Variants in ZNF827 observed in about 807,000 individuals in gnomAD.
ZNF827 encodes zinc finger protein 827.
A neutral mutation model predicts 102.4 loss-of-function variants in ZNF827; 13 were observed. The observed-to-expected ratio is 0.13, with a 90% CI of 0.08 to 0.20. The LOEUF is 0.20. Among genes scored for constraint, ZNF827 ranks in the 10% least tolerant of loss-of-function variants. The pLI is 1.00. For synonymous variants in ZNF827, 523 were observed against 536.2 expected (o/e 0.98, Z 0.34); for missense variants, 1,103 against 1,344.4 (o/e 0.82, Z 2.81).
chr4:145,835,080 A>G (rs1196392851), intron 7 of ZNF827: 1 of 152,156 alleles, frequency 6.6e-6, no homozygotes, highest in Non-Finnish European at 1.5e-5. Flanking sequence ...CTCCTAAGCT[A>G]CGTCCCATCT....
chr4:145,889,907 G>T (rs1322589564), intron 3 of ZNF827, among the ~76,000 whole-genome samples: 1 of 151,732 alleles, frequency 6.6e-6, no homozygotes, highest in East Asian at 2.0e-4. Flanking sequence ...GAGCCCGGAG[G>T]CGGAGGCTGC....
At chr4:145,911,566 C>A (rs1454669078) in intron 1 of ZNF827, among the ~76,000 whole-genome samples, 1 of 152,128 alleles carries the variant, frequency 6.6e-6, no homozygotes, top group Non-Finnish European at 1.5e-5. Context: ...CAGTATAATA[C>A]AATTAATCTG....
intron 1 of ZNF827, among the ~76,000 whole-genome samples, chr4:145,937,753 C>T (rs1754322413): frequency 6.8e-6 from 1 of 147,718 alleles, no homozygotes; most frequent in Admixed American, 6.7e-5. Context: ...GCCGCCGCCG[C>T]CGCTGCCGCC....
Position 145,903,006 on chromosome 4 carries a change from C to A in ZNF827, c.253G>T (p.Ala85Ser), listed in dbSNP as rs778352883. 31 of 1,614,050 alleles carry A rather than the reference C, an allele frequency of 1.9e-5. No homozygotes were observed. Among genetic ancestry groups the A allele is most frequent in the Admixed American group, 3.3e-5 (2 of 60,010 alleles). ...TCTCGCAGGACCTCACTGTCCAGTG[C>A]CACCAGCTCCAACGTGTGGCTGCTG... ...TPSSHTLELVALDSEVLRDSL... is the reference protein window; with the variant it reads ...TPSSHTLELVSLDSEVLRDSL... The change falls in exon 2 of 15, where the codon GCA (alanine) becomes TCA (serine). Residue 85 changes from alanine (A) to serine (S), a missense_variant. By Grantham distance (99) the Ala-to-Ser change is moderately conservative (BLOSUM62 1). This residue lies in a region of ZNF827 where 441 missense variants were observed against 458.6 expected (regional missense o/e 0.96). Transcript: ENST00000508784.
At chr4:145,899,083 C>T (rs1297953036) in intron 2 of ZNF827, among the ~76,000 whole-genome samples, 1 of 152,132 alleles carries the variant, frequency 6.6e-6, no homozygotes, top group Non-Finnish European at 1.5e-5. Flanking sequence ...CATTAGGCAA[C>T]AGAAACTCTT....
chr4:145,900,205 T>C (rs1233261875), intron 2 of ZNF827, among the ~76,000 whole-genome samples: 1 of 152,180 alleles, frequency 6.6e-6, no homozygotes, highest in Non-Finnish European at 1.5e-5. Context: ...GACTTCAATA[T>C]GACAAAGCTG....
At chr4:145,870,157 G>T in intron 5 of ZNF827, 88 bp downstream of exon 5, 1 of 1,252,622 alleles carries the variant, frequency 8.0e-7, no homozygotes, top group Non-Finnish European at 1.1e-6. Context: ...TGCTGCCATT[G>T]GGTTAATTAT....
chr4:145,923,793 CAT>C (rs983975401), intron 1 of ZNF827, among the ~76,000 whole-genome samples: 43 of 152,112 alleles, frequency 2.8e-4, no homozygotes, highest in Non-Finnish European at 5.9e-4. Context: ...TTTTTAATAA[CAT>C]ATTTAATTTG....
chr4:145,865,751 A>AT (rs1250137823), intron 5 of ZNF827, among the ~76,000 whole-genome samples: 17 of 152,250 alleles, frequency 1.1e-4, no homozygotes, highest in Non-Finnish European at 2.4e-4. Flanking sequence ...GTTCGCATGT[A>AT]TTGTTCTATC....
At chr4:145,871,094 T>A (rs750915934) in intron 4 of ZNF827, among the ~76,000 whole-genome samples, 3 of 151,904 alleles carry the variant, frequency 2.0e-5, no homozygotes, top group Non-Finnish European at 4.4e-5. Context: ...CATCACTGAG[T>A]CCAAAATGGC....
chr4:145,811,272 C>T (rs552479295), intron 8 of ZNF827, among the ~76,000 whole-genome samples: 11 of 152,214 alleles, frequency 7.2e-5, no homozygotes, highest in African/African-American at 1.7e-4. Flanking sequence ...CAGGATTATA[C>T]GTGAGCCACT....
rs1311756464 is a variant in ZNF827, at chr4:145,902,811, C to T, written c.448G>A (p.Val150Ile). The T allele has an allele frequency of 1.2e-5, 20 of 1,613,982 alleles. No homozygotes were observed. Among genetic ancestry groups the T allele is most frequent in the South Asian group, 6.6e-5 (6 of 91,080 alleles). ...GGGGAAAAGGAGAGGTTCGAGCCAA[C>T]GTTTACGGGGGACTCCACTCTGCCA... ...ANGRVESPVN[V>I]GSNLSFSPPS... The change falls in exon 2 of 15, where the codon GTT becomes ATT. Residue 150 changes from valine (V) to isoleucine (I), a missense_variant. Transcript: ENST00000508784. This position sits in a 1 kb window ranked among gnomAD's most constrained non-coding sequence, Gnocchi z 4.3.
At position 145,853,772 on chromosome 4, in the gene ZNF827, C is replaced by G. The variant is rs540996772; in HGVS notation, c.1982-4211G>C. Among the ~76,000 whole-genome samples, 85 of 152,148 alleles carry G rather than the reference C, an allele frequency of 5.6e-4. 1 individual carries two copies. In the South Asian group the frequency reaches 0.017, roughly 31 times the overall value. On this transcript the variant is annotated intron_variant, in intron 5 of 14. Coordinates refer to ENST00000508784, the MANE Select transcript of ZNF827 (RefSeq NM_001306215.2). ...ATGAACCCAGCAGTTTGGAGACCAG[C>G]CTGGCCAACATGGCAAAACCCTATA...
At chr4:145,764,701 A>G (rs1460633034) in intron 13 of ZNF827, 1 of 412,686 alleles carries the variant, frequency 2.4e-6, no homozygotes, top group Non-Finnish European at 4.4e-6. Flanking sequence ...AAACTCAAGC[A>G]GTGTAGTCTA....
intron 2 of ZNF827, among the ~76,000 whole-genome samples, chr4:145,901,562 T>C (rs1751417166): frequency 6.6e-6 from 1 of 152,260 alleles, no homozygotes; most frequent in Non-Finnish European, 1.5e-5. Context: ...ATGTGTTGAT[T>C]ATGTTTGATT....
chr4:145,903,061 G>A lies in ZNF827; in HGVS notation c.198C>T (p.Ser66=). The change falls in exon 2 of 15, where the codon TCC becomes TCT. Residue 66 remains serine (S), a synonymous_variant. Transcript: ENST00000508784. ...TCGTGCTTCCCAAGGAGGTGTCCGG[G>A]GACGTGGACTGCTCCTGGATCCGGT... ...LEDRIQEQST[S]PDTSLGSTTP... is the part of the protein sequence containing the mutation. 6.2e-7 allele frequency: 1 copy of A among 1,614,150 alleles called. No homozygotes were observed. Among genetic ancestry groups the A allele is most frequent in the African/African-American group, 1.3e-5 (1 of 75,028 alleles).
chr4:145,880,025 A>G (rs1190835907), intron 4 of ZNF827, among the ~76,000 whole-genome samples: 1 of 152,188 alleles, frequency 6.6e-6, no homozygotes, highest in African/African-American at 2.4e-5. Context: ...TCACGAGGTC[A>G]GGAGTTCAAG....
chr4:145,921,053 C>T (rs1483011714), intron 1 of ZNF827, among the ~76,000 whole-genome samples: 3 of 152,154 alleles, frequency 2.0e-5, no homozygotes, highest in African/African-American at 7.2e-5. Context: ...TAATTCTACC[C>T]AGCATGTGGG....
In ZNF827 at chr4:145,834,658, T is replaced by G. The variant is rs960251351; in HGVS notation, c.2280-11133A>C. ...CAAATCAGATAGCGTTTAGGCTCTT[T>G]TTCATCAAATATAAAAATCCAGCCC... On this transcript the variant is annotated intron_variant, in intron 7 of 14. Transcript: ENST00000508784. Among the ~76,000 whole-genome samples, 4 of 152,058 alleles carry G rather than the reference T, an allele frequency of 2.6e-5. No individual in the cohort carries two copies. In the East Asian group the frequency reaches 7.7e-4, roughly 29 times the overall value.
Sources: allele counts gnomAD v4.1 joint callset (sites outside exome capture counted in the v4.1 genomes callset), GRCh38; gene constraint gnomAD v4.1.1; regional missense constraint gnomAD v4.1.1; non-coding constraint Gnocchi (gnomAD v3.1); transcripts MANE v1.5; gene names NCBI Gene and HGNC (gene_info 2026-07-23, HGNC 2026-07-21).